EMC10: variants seen among roughly 807,000 people sequenced by gnomAD.
EMC10 encodes ER membrane protein complex subunit 10, also known as UPF0510 protein INM02.
A neutral mutation model predicts 32.2 loss-of-function variants in EMC10; 40 were observed. The ratio of observed to expected loss-of-function variants is 1.24; its 90% confidence interval spans 0.96 to 1.61. The LOEUF (loss-of-function observed/expected upper bound fraction) is 1.61. EMC10 is among the 40% of genes most tolerant of loss of function. The pLI, the probability that EMC10 is intolerant of heterozygous loss-of-function variation, is 0.00. For synonymous variants in EMC10, 178 were observed against 158.4 expected (o/e 1.12, Z -0.93); for missense variants, 402 against 357.7 (o/e 1.12, Z -1.00).
At chr19:50,478,396 G>A (rs1211901697) in intron 2 of EMC10, among the ~76,000 whole-genome samples, 1 of 152,166 alleles carries the variant, frequency 6.6e-6, no homozygotes, top group Non-Finnish European at 1.5e-5. Context: ...CACCACACAA[G>A]GTCTCATCGT....
chr19:50,480,522 G>T lies in EMC10; in HGVS notation c.403-59G>T, dbSNP rs45535041. The T allele has an allele frequency of 1.6e-4, 245 of 1,531,788 alleles. No homozygotes were observed. Among genetic ancestry groups the T allele is most frequent in the Non-Finnish European group, 1.9e-4 (218 of 1,135,218 alleles). The allele number at this position is 1,531,788 out of a possible 1,614,324, so 94.9% of individuals were successfully genotyped here. A position where few individuals can be genotyped will look rare whatever the true frequency, so the allele number is the denominator to read the frequency against. Reference sequence around the variant, plus strand: ...GGTCCTGTGGTGGGGGCCGGGGGAGGTTAGGGTGGAGCCCAGGCAGCAGGC... The same window carrying T: ...GGTCCTGTGGTGGGGGCCGGGGGAGTTTAGGGTGGAGCCCAGGCAGCAGGC... On this transcript the variant is annotated intron_variant, in intron 4 of 6. Coordinates refer to ENST00000334976, the MANE Select transcript of EMC10 (RefSeq NM_206538.4). The surrounding 1 kb of genome is among the most constrained non-coding windows in gnomAD (Gnocchi z 4.4).
chr19:50,477,569 T>C (rs1241841241), intron 1 of EMC10, among the ~76,000 whole-genome samples: 2 of 152,166 alleles, frequency 1.3e-5, no homozygotes, highest in Non-Finnish European at 2.9e-5. Flanking sequence ...GCTATTGGGC[T>C]GTCAGGTGAT....
intron 6 of EMC10, chr19:50,481,560 T>C (rs2040319775): frequency 2.3e-6 from 1 of 444,046 alleles, no homozygotes. Context: ...GGTGTTAGGT[T>C]GTGGCACAGG....
chr19:50,478,919 CG>C, intron 2 of EMC10, 37 bp from the exon 3 acceptor site: 2 of 1,255,038 alleles, frequency 1.6e-6, no homozygotes, highest in Non-Finnish European at 2.1e-6. Flanking sequence ...GAAGGGTGGG[CG>C]GGGGAGGGGG....
chr19:50,481,193 G>C (rs192169902), intron 6 of EMC10: 1 of 520,534 alleles, frequency 1.9e-6, no homozygotes. Context: ...TAGGGCGCAG[G>C]GTCCTGGGGG....
chr19:50,480,593 GAGTCGCACCTGTCGGACC>G lies in EMC10; in HGVS notation c.418_435del (p.Ser140_Gln145del). 2 of 1,557,092 alleles carry G rather than the reference GAGTCGCACCTGTCGGACC, an allele frequency of 1.3e-6. No individual in the cohort carries two copies. Among genetic ancestry groups the G allele is most frequent in the Non-Finnish European group, 8.7e-7 (1 of 1,150,552 alleles). On this transcript the variant is annotated inframe_deletion, in exon 5 of 7. Coordinates refer to ENST00000334976, the MANE Select transcript of EMC10 (RefSeq NM_206538.4). This position sits in a 1 kb window ranked among gnomAD's most constrained non-coding sequence, Gnocchi z 4.4. ...ACTCCCCCCACAGTGCTCCCTGGTG[GAGTCGCACCTGTCGGACC>G]AGCTGACCCTGCACGTGGATGTGGC... is the stretch of plus-strand genomic sequence containing the variant.
In EMC10 at chr19:50,480,576, C is replaced by G. The variant is rs1630497; in HGVS notation, c.403-5C>G. 108 of 1,552,258 alleles carry G rather than the reference C, an allele frequency of 7.0e-5. No homozygotes were observed. The East Asian group carries it at 1.9e-3, about 28-fold the overall frequency. ...CCACCTCCACTGACCCCACTCCCCC[C>G]ACAGTGCTCCCTGGTGGAGTCGCAC... On this transcript the variant is annotated splice_region_variant and splice_polypyrimidine_tract_variant and intron_variant, in intron 4 of 6. Transcript: ENST00000334976. This position sits in a 1 kb window ranked among gnomAD's most constrained non-coding sequence, Gnocchi z 4.4.
In EMC10 at chr19:50,477,943, TCGAGAGGG is replaced by T; in HGVS notation, c.134_141del (p.Glu45GlyfsTer14). On this transcript the variant is annotated frameshift_variant, in exon 2 of 7. Coordinates refer to ENST00000334976, the MANE Select transcript of EMC10 (RefSeq NM_206538.4). LOFTEE classifies it high-confidence loss of function. ...GTCCTCTGCAGGCTGGGGCGGAAGG[TCGAGAGGG>T]CGAGGCCTGTGGCACGGTGGGGCTG... 1 of 1,598,158 alleles carries T rather than the reference TCGAGAGGG, an allele frequency of 6.3e-7. No individual in the cohort carries two copies. Among genetic ancestry groups the T allele is most frequent in the Non-Finnish European group, 8.5e-7 (1 of 1,175,172 alleles).
Position 50,481,886 on chromosome 19 carries a change from T to C in EMC10, c.679-263T>C, listed in dbSNP as rs371502898. ...TGGCACATCATCCTGGGGGGGGCCG[T>C]GTTGCTCACAGCCCTGCGTCCTGCT... On this transcript the variant is annotated intron_variant, in intron 6 of 6. Transcript: ENST00000334976. 5 of 1,595,344 alleles carry C rather than the reference T, an allele frequency of 3.1e-6. No individual in the cohort carries two copies. The Admixed American group carries it at 5.2e-5, about 17-fold the overall frequency.
In EMC10 at chr19:50,479,165, G is replaced by C. The variant is rs963958192; in HGVS notation, c.297+99G>C. The C allele has an allele frequency of 7.9e-6, 7 of 883,768 alleles. No homozygotes were observed. The African/African-American group carries it at 1.0e-4, about 13-fold the overall frequency. The allele number at this position is 883,768 out of a possible 1,614,324, so 54.7% of individuals were successfully genotyped here. ...CTGGTCCCCAGCAGCCTTCCCTCCA[G>C]GCCCAGGTGGGCTCCCAGCACCACC... On this transcript the variant is annotated intron_variant, in intron 3 of 6. Coordinates refer to ENST00000334976, the MANE Select transcript of EMC10 (RefSeq NM_206538.4).
rs547834644 is a variant in EMC10, at chr19:50,482,746, G to C, written c.*487G>C. On this transcript the variant is annotated 3_prime_UTR_variant, in exon 7 of 7. Transcript: ENST00000334976. ...TGGACTAGGATGCAGCCTCCCTTCT[G>C]TGTCCCCTTGAGGGTACCCTGGGTC... The C allele has an allele frequency of 1.0e-5, 5 of 482,750 alleles. No individual in the cohort carries two copies. Among genetic ancestry groups the C allele is most frequent in the African/African-American group, 8.0e-5 (4 of 50,160 alleles). 29.9% of individuals were successfully genotyped at this position (482,750 alleles called of 1,614,324 possible).
chr19:50,480,935 G>A lies in EMC10; in HGVS notation c.636G>A (p.Lys212=). The stretch of plus-strand genomic sequence containing the variant: ...GCCTGGAGATGGAACAGGCCCAGAA[G>A]GCCAAGAACCCCCAGGAGCAGAAGT... ...IERLEMEQAQ[K]AKNPQEQKSF... Residue 212 remains lysine (K), a synonymous_variant, in exon 6 of 7, where the codon AAG becomes AAA. Coordinates refer to ENST00000334976, the MANE Select transcript of EMC10 (RefSeq NM_206538.4). This position sits in a 1 kb window ranked among gnomAD's most constrained non-coding sequence, Gnocchi z 4.4. 3 of 1,613,034 alleles carry A rather than the reference G, an allele frequency of 1.9e-6. No homozygotes were observed. The highest frequency in any genetic ancestry group is 4.5e-5 in the East Asian group (2 of 44,842).
chr19:50,476,856 A>T, intron 1 of EMC10, 198 bp downstream of exon 1: 1 of 466,500 alleles, frequency 2.1e-6, no homozygotes, highest in Non-Finnish European at 3.8e-6. Context: ...ACTGGGTGGG[A>T]GGACAAGCGC....
Position 50,482,132 on chromosome 19 carries a change from C to T in EMC10, c.679-17C>T. 6.6e-7 allele frequency: 1 copy of T among 1,519,328 alleles called. No individual in the cohort carries two copies. Among genetic ancestry groups the T allele is most frequent in the Admixed American group, 1.7e-5 (1 of 59,868 alleles). The allele number at this position is 1,519,328 out of a possible 1,614,324, so 94.1% of individuals were successfully genotyped here. ...CTCTTTCTGTGTCTGTCTGTCCATC[C>T]TTCCGTCCGGCTGCAGTGGATGTAC... On this transcript the variant is annotated splice_polypyrimidine_tract_variant and intron_variant, in intron 6 of 6. Coordinates refer to ENST00000334976, the MANE Select transcript of EMC10 (RefSeq NM_206538.4).
rs773299551 is a variant in EMC10, at chr19:50,482,141, G to A, written c.679-8G>A. On this transcript the variant is annotated splice_region_variant and splice_polypyrimidine_tract_variant and intron_variant, in intron 6 of 6. Transcript: ENST00000334976. ...TGTCTGTCTGTCCATCCTTCCGTCC[G>A]GCTGCAGTGGATGTACATCATTCCC... is the stretch of plus-strand genomic sequence containing the variant. 3 of 1,562,506 alleles carry A rather than the reference G, an allele frequency of 1.9e-6. No individual in the cohort carries two copies. The highest frequency in any genetic ancestry group is 8.8e-7 in the Non-Finnish European group (1 of 1,133,520).
In EMC10 at chr19:50,480,241, C is replaced by T. The variant is rs201920727; in HGVS notation, c.402+26C>T. On this transcript the variant is annotated intron_variant, in intron 4 of 6. Coordinates refer to ENST00000334976, the MANE Select transcript of EMC10 (RefSeq NM_206538.4). The surrounding 1 kb of genome is among the most constrained non-coding windows in gnomAD (Gnocchi z 4.4). ...GTGAGTTGGTGTCGGGGATGAGCCC[C>T]CTTCTCCCTCGTCCTCCTCATCCCC... The T allele has an allele frequency of 5.8e-5, 92 of 1,591,298 alleles. No homozygotes were observed. The African/African-American group carries it at 1.1e-3, about 20-fold the overall frequency.
At position 50,480,200 on chromosome 19, in the gene EMC10, C is replaced by T. The variant is rs1415334935; in HGVS notation, c.387C>T (p.Ser129=). The change falls in exon 4 of 7, where the codon TCC becomes TCT. Residue 129 remains serine (S), a synonymous_variant. Coordinates refer to ENST00000334976, the MANE Select transcript of EMC10 (RefSeq NM_206538.4). This position sits in a 1 kb window ranked among gnomAD's most constrained non-coding sequence, Gnocchi z 4.4. ...LDGLEAGGYV[S]SFVPACSLVE... ...GCCTGGAAGCTGGTGGCTATGTCTC[C>T]TCCTTTGTCCCTGCGGTGAGTTGGT... 2 of 1,613,704 alleles carry T rather than the reference C, an allele frequency of 1.2e-6. No individual in the cohort carries two copies. The highest frequency in any genetic ancestry group is 1.3e-5 in the African/African-American group (1 of 74,934).
At chr19:50,479,128 AGC>A in intron 3 of EMC10, 62 bp downstream of exon 3, 2 of 1,334,280 alleles carry the variant, frequency 1.5e-6, no homozygotes, top group Non-Finnish European at 2.1e-6. Context: ...CTGTCTCTTC[AGC>A]CACCCCCTGC....
rs1012412382 is a variant in EMC10, at chr19:50,490,195, A to C, written c.*7936A>C. On this transcript the variant is annotated 3_prime_UTR_variant, in exon 7 of 7. Transcript: ENST00000334976. ...AGTGGCGCGATCTCGGCTCACTGCA[A>C]ACTCCGCCTCCCGGGTTTAAGCGAT... 6.6e-6 allele frequency: 1 copy of C among 151,974 alleles called. No individual in the cohort carries two copies. The highest frequency in any genetic ancestry group is 1.5e-5 in the Non-Finnish European group (1 of 68,036). 9.4% of individuals were successfully genotyped at this position (151,974 alleles called of 1,614,324 possible).
Sources: gnomAD v4.1 joint callset for allele counts (sites outside exome capture counted in the v4.1 genomes callset) on GRCh38, gnomAD v4.1.1 for gene constraint, Gnocchi (gnomAD v3.1) non-coding constraint, MANE v1.5 for transcripts, NCBI Gene and HGNC (gene_info 2026-07-23, HGNC 2026-07-21) for gene names.